Variants in VPS26C observed in about 807,000 individuals in gnomAD.
VPS26C encodes vacuolar protein sorting-associated protein 26C.
A neutral mutation model predicts 30.6 loss-of-function variants in VPS26C; 19 were observed. The observed-to-expected ratio is 0.62, with a 90% confidence interval of 0.43 to 0.91. VPS26C has a LOEUF of 0.91. VPS26C is among the 40% of genes least tolerant of loss of function. VPS26C has a pLI of 0.00. For missense variants in VPS26C, 318 were observed against 385.1 expected (o/e 0.83, Z 1.46); for synonymous variants, 132 against 151.5 (o/e 0.87, Z 0.95).
intron 3 of VPS26C, among the ~76,000 whole-genome samples, chr21:37,236,086 C>G (rs978927987): frequency 6.6e-6 from 1 of 151,912 alleles, no homozygotes; most frequent in East Asian, 1.9e-4. Flanking sequence ...TAGATTGTTA[C>G]AACACAATTC....
chr21:37,232,407 A>G lies in VPS26C; in HGVS notation c.477T>C (p.Ile159=), dbSNP rs746090654. ...KFTPSPVDFT[I]TPETLQNVKE... ...TGACGTTCTGTAAGGTTTCAGGTGT[A>G]ATCGTGAAGTCCACGGGACTGGGAG... Residue 159 remains isoleucine, a synonymous_variant, in exon 5 of 8, where the codon ATT becomes ATC. Transcript: ENST00000309117. The G allele has an allele frequency of 6.2e-7, 1 of 1,614,216 alleles. No individual in the cohort carries two copies. Among genetic ancestry groups the G allele is most frequent in the Non-Finnish European group, 8.5e-7 (1 of 1,180,032 alleles).
Position 37,238,542 on chromosome 21 carries a change from T to G in VPS26C, c.269A>C (p.Glu90Ala). The change falls in exon 3 of 8, where the codon GAA (glutamate) becomes GCA (alanine). Residue 90 changes from glutamate to alanine, a missense_variant. Coordinates refer to ENST00000309117, the MANE Select transcript of VPS26C (RefSeq NM_006052.2). The part of the protein sequence containing the change: ...KPGKFPSGKT[E>A]IPFEFPLHLK... ...GTGCAGAGGAAATTCAAAAGGGATT[T>G]CTGTTTTGCCGCTGGGAAATTTCCC... The G allele has an allele frequency of 6.2e-7, 1 of 1,614,230 alleles. No homozygotes were observed. Among genetic ancestry groups the G allele is most frequent in the Non-Finnish European group, 8.5e-7 (1 of 1,180,050 alleles).
Position 37,227,712 on chromosome 21 carries a change from G to A in VPS26C, c.753C>T (p.Tyr251=), listed in dbSNP as rs369579275. Residue 251 remains tyrosine, a synonymous_variant, in exon 7 of 8, where the codon TAC becomes TAT. Coordinates refer to ENST00000309117, the MANE Select transcript of VPS26C (RefSeq NM_006052.2). ...AGGTGAACAGCCTAGGGAAGACCAT[G>A]TAGATGGGGACAGAGAGGCCCCTGC... ...DVCRGLSVPI[Y]MVFPRLFTCP... is the part of the protein sequence containing the mutation. The A allele has an allele frequency of 4.3e-6, 7 of 1,614,078 alleles. No individual in the cohort carries two copies. The African/African-American group carries it at 6.7e-5, about 15-fold the overall frequency.
intron 1 of VPS26C, among the ~76,000 whole-genome samples, chr21:37,241,873 AC>A (rs1362793427): frequency 6.6e-6 from 1 of 152,180 alleles, no homozygotes; most frequent in African/African-American, 2.4e-5. Context: ...CCATTAAAAA[AC>A]ATCTGTCCTA....
chr21:37,245,708 G>A (rs756041795), intron 1 of VPS26C, among the ~76,000 whole-genome samples: 15 of 152,028 alleles, frequency 9.9e-5, no homozygotes, highest in Non-Finnish European at 1.6e-4. Context: ...ATGAATAAAC[G>A]ATCATTCACC....
intron 1 of VPS26C, among the ~76,000 whole-genome samples, chr21:37,260,899 A>G (rs753779470): frequency 1.3e-5 from 2 of 152,234 alleles, no homozygotes; most frequent in Non-Finnish European, 2.9e-5. Flanking sequence ...ATTATTTATA[A>G]TTACGAAGCA....
In VPS26C at chr21:37,245,496, C is replaced by T. The variant is rs192273794; in HGVS notation, c.58-4857G>A. On this transcript the variant is annotated intron_variant, in intron 1 of 7. Transcript: ENST00000309117. ...ACCTGCAGGACTCGGTTCCGTGAGC[C>T]CACATTTGAAACTGTACTACTCCCT... Among the ~76,000 whole-genome samples the T allele has an allele frequency of 7.2e-5, 11 of 152,288 alleles. No homozygotes were observed. In the East Asian group the frequency reaches 1.9e-3, roughly 27 times the overall value.
chr21:37,232,818 C>T (rs952008613), intron 4 of VPS26C, among the ~76,000 whole-genome samples: 5 of 152,176 alleles, frequency 3.3e-5, no homozygotes, highest in African/African-American at 4.8e-5. Context: ...ACTTCACAGA[C>T]GAGGCAAGCG....
At position 37,267,244 on chromosome 21, in the gene VPS26C, G is replaced by A; in HGVS notation, c.51C>T (p.His17=). 7.7e-7 allele frequency: 1 copy of A among 1,303,858 alleles called. No homozygotes were observed. Among genetic ancestry groups the A allele is most frequent in the Non-Finnish European group, 1.1e-6 (1 of 951,032 alleles). 80.8% of individuals were successfully genotyped at this position (1,303,858 alleles called of 1,614,324 possible). A position where few individuals can be genotyped will look rare whatever the true frequency, so the allele number is the denominator to read the frequency against. The part of the protein sequence containing the change: ...IKIKRANKVY[H]AGEVLSGVVV... ...ACCCCCAGCCCCCACTTACCCCGGC[G>A]TGATAAACTTTATTCGCTCTTTTAA... Residue 17 remains histidine, a synonymous_variant, in exon 1 of 8, where the codon CAC becomes CAT. Transcript: ENST00000309117.
intron 1 of VPS26C, among the ~76,000 whole-genome samples, chr21:37,251,842 G>T (rs1238005866): frequency 1.3e-5 from 2 of 152,200 alleles, no homozygotes; most frequent in Non-Finnish European, 2.9e-5. Flanking sequence ...TCTGAAGATT[G>T]TGTGTTAAAA....
intron 1 of VPS26C, among the ~76,000 whole-genome samples, chr21:37,243,532 A>G (rs2148294997): frequency 6.6e-6 from 1 of 152,246 alleles, no homozygotes; most frequent in East Asian, 1.9e-4. Flanking sequence ...CCAAGAGCCA[A>G]CCCCTCTTCA....
At chr21:37,244,973 T>C (rs929605190) in intron 1 of VPS26C, among the ~76,000 whole-genome samples, 3 of 152,186 alleles carry the variant, frequency 2.0e-5, no homozygotes, top group Non-Finnish European at 4.4e-5. Flanking sequence ...CTCTGCAAGG[T>C]GCAAACGCCC....
Position 37,232,145 on chromosome 21 carries a change from A to G in VPS26C, c.507+232T>C, listed in dbSNP as rs561792633. Among the ~76,000 whole-genome samples, 18 of 152,326 alleles carry G rather than the reference A, an allele frequency of 1.2e-4. No individual in the cohort carries two copies. In the East Asian group the frequency reaches 2.9e-3, roughly 25 times the overall value. Reference sequence around the variant, plus strand: ...AAACTGAGGGAAAATGGTGAGATTAATAGACATGGACCCTCCCTGAGGAAC... The same window carrying G: ...AAACTGAGGGAAAATGGTGAGATTAGTAGACATGGACCCTCCCTGAGGAAC... On this transcript the variant is annotated intron_variant, in intron 5 of 7. Coordinates refer to ENST00000309117, the MANE Select transcript of VPS26C (RefSeq NM_006052.2).
intron 7 of VPS26C, 36 bp from the exon 8 acceptor site, chr21:37,225,662 G>A: frequency 6.4e-7 from 1 of 1,569,366 alleles, no homozygotes; most frequent in Non-Finnish European, 8.8e-7. Flanking sequence ...TGTGCTCACT[G>A]TTACCAAGCA....
At chr21:37,254,538 C>T (rs981115199) in intron 1 of VPS26C, among the ~76,000 whole-genome samples, 11 of 151,970 alleles carry the variant, frequency 7.2e-5, no homozygotes, top group East Asian at 3.9e-4. Flanking sequence ...AGGCTGGGTG[C>T]GGTGGCTCAC....
chr21:37,242,724 G>A (rs1196666497), intron 1 of VPS26C, among the ~76,000 whole-genome samples: 2 of 152,200 alleles, frequency 1.3e-5, no homozygotes, highest in Non-Finnish European at 2.9e-5. Flanking sequence ...GGATGGTCCC[G>A]TTCCTATGCA....
chr21:37,265,318 A>G (rs1475111430), intron 1 of VPS26C, among the ~76,000 whole-genome samples: 1 of 152,250 alleles, frequency 6.6e-6, no homozygotes, highest in Admixed American at 6.5e-5. Context: ...TAAAAAGAAT[A>G]CAAAGTAGAC....
At chr21:37,248,832 C>A (rs2086164156) in intron 1 of VPS26C, among the ~76,000 whole-genome samples, 1 of 151,636 alleles carries the variant, frequency 6.6e-6, no homozygotes, top group African/African-American at 2.4e-5. Flanking sequence ...TTGTAAATAC[C>A]AGTGCAAAGG....
intron 5 of VPS26C, 43 bp from the exon 6 acceptor site, chr21:37,228,416 G>C (rs2085926897): frequency 6.2e-7 from 1 of 1,605,934 alleles, no homozygotes. Context: ...GCAGGCAAGG[G>C]GGGAAAGTGC....
Sources: allele counts gnomAD v4.1 joint callset (sites outside exome capture counted in the v4.1 genomes callset), GRCh38; gene constraint gnomAD v4.1.1; transcripts MANE v1.5; gene names NCBI Gene and HGNC (gene_info 2026-07-23, HGNC 2026-07-21).